PTPRZ1: variants seen among roughly 807,000 people sequenced by gnomAD.
PTPRZ1 encodes the protein receptor-type tyrosine-protein phosphatase zeta.
Under a neutral mutation model 214.1 loss-of-function variants are expected in PTPRZ1, and 82 were observed. The ratio of observed to expected loss-of-function variants is 0.38; its 90% CI spans 0.32 to 0.46. PTPRZ1 has a LOEUF of 0.46. Ranked by LOEUF, PTPRZ1 falls within the 20% of genes least tolerant of loss-of-function variation. PTPRZ1 has a pLI of 1.00. For synonymous variants in PTPRZ1, 945 were observed against 987.9 expected (o/e 0.96, Z 0.81); for missense variants, 2,603 against 2,748.7 (o/e 0.95, Z 1.19).
At chr7:122,035,116 C>G (rs1799497151) in intron 17 of PTPRZ1, among the ~76,000 whole-genome samples, 2 of 152,016 alleles carry the variant, frequency 1.3e-5, no homozygotes, top group Admixed American at 1.3e-4. Context: ...CTACTTATAC[C>G]CTTTCTATAT....
intron 21 of PTPRZ1, among the ~76,000 whole-genome samples, 169 bp downstream of exon 21, chr7:122,041,148 A>G (rs1219465917): frequency 6.6e-6 from 1 of 152,140 alleles, no homozygotes; most frequent in Non-Finnish European, 1.5e-5. Flanking sequence ...AACATGCCAG[A>G]CTCAGAATTG....
chr7:121,933,629 C>G (rs1795991113), intron 2 of PTPRZ1, among the ~76,000 whole-genome samples: 1 of 152,040 alleles, frequency 6.6e-6, no homozygotes, highest in South Asian at 2.1e-4. Context: ...AATATCCTGT[C>G]TAAATAGTCT....
At chr7:121,880,318 A>G (rs1794201123) in intron 1 of PTPRZ1, among the ~76,000 whole-genome samples, 2 of 152,194 alleles carry the variant, frequency 1.3e-5, no homozygotes, top group Non-Finnish European at 2.9e-5. Context: ...GTACTTGGGT[A>G]CTTGGAAATA....
At chr7:122,054,892 T>G in intron 26 of PTPRZ1, 49 bp from the exon 27 acceptor site, 1 of 1,497,994 alleles carries the variant, frequency 6.7e-7, no homozygotes, top group Non-Finnish European at 8.9e-7. Flanking sequence ...TCTGACTTAT[T>G]GGTCATTTTA....
intron 14 of PTPRZ1, among the ~76,000 whole-genome samples, chr7:122,029,013 G>A (rs1799290384): frequency 6.6e-6 from 1 of 151,356 alleles, no homozygotes; most frequent in Non-Finnish European, 1.5e-5. Flanking sequence ...AGTCAATGCA[G>A]AAAATGTGGA....
chr7:121,979,953 G>A (rs530348686), intron 6 of PTPRZ1, among the ~76,000 whole-genome samples: 17 of 152,102 alleles, frequency 1.1e-4, no homozygotes, highest in African/African-American at 4.1e-4. Context: ...ATCCGTAAGA[G>A]AGACCAGGTG....
In PTPRZ1 at chr7:122,060,365, G is replaced by A. The variant is rs1040193243; in HGVS notation, c.6807+477G>A. 1.3e-4 allele frequency among the ~76,000 whole-genome samples: 20 copies of A among 152,262 alleles called. 1 individual carries two copies. Among genetic ancestry groups the A allele is most frequent in the Admixed American group, 7.2e-4 (11 of 15,308 alleles). On this transcript the variant is annotated intron_variant, in intron 29 of 29. Transcript: ENST00000393386. ...ACTCCTTTCTGGAGATGCACAGTTCGCGAAAGCATTTAATTATGCACTGCG... is the reference window on the plus strand; with the variant it reads ...ACTCCTTTCTGGAGATGCACAGTTCACGAAAGCATTTAATTATGCACTGCG...
intron 1 of PTPRZ1, among the ~76,000 whole-genome samples, chr7:121,893,030 C>A (rs1334721441): frequency 6.6e-6 from 1 of 151,768 alleles, no homozygotes; most frequent in Non-Finnish European, 1.5e-5. Context: ...AACTTCTTTC[C>A]TGGCATTTTT....
At position 122,036,434 on chromosome 7, in the gene PTPRZ1, G is replaced by A. The variant is rs1407305981; in HGVS notation, c.5285-166G>A. 3.3e-5 allele frequency among the ~76,000 whole-genome samples: 5 copies of A among 152,008 alleles called. No individual in the cohort carries two copies. The East Asian group carries it at 9.6e-4, about 29-fold the overall frequency. ...GAGGGTGGAGATTCTTTTTATATTTGTCTTTGTTTTCTTTGCTGTCTCTGT... is the reference window on the plus strand; with the variant it reads ...GAGGGTGGAGATTCTTTTTATATTTATCTTTGTTTTCTTTGCTGTCTCTGT... On this transcript the variant is annotated intron_variant, in intron 17 of 29. Coordinates refer to ENST00000393386, the MANE Select transcript of PTPRZ1 (RefSeq NM_002851.3).
At chr7:121,907,720 A>T (rs1795158187) in intron 1 of PTPRZ1, among the ~76,000 whole-genome samples, 1 of 151,810 alleles carries the variant, frequency 6.6e-6, no homozygotes, top group Non-Finnish European at 1.5e-5. Context: ...TTTTATATCT[A>T]CATTAGCTTT....
chr7:122,026,381 A>G (rs1248850175), intron 13 of PTPRZ1, among the ~76,000 whole-genome samples: 1 of 152,224 alleles, frequency 6.6e-6, no homozygotes, highest in East Asian at 1.9e-4. Flanking sequence ...TGGAGAAATC[A>G]AAGGGATTTT....
chr7:122,028,837 C>T (rs1047434927), intron 14 of PTPRZ1, among the ~76,000 whole-genome samples, 194 bp downstream of exon 14: 6 of 151,970 alleles, frequency 3.9e-5, no homozygotes, highest in Admixed American at 6.6e-5. Flanking sequence ...TAATTTTAAA[C>T]GTTCTTAATC....
rs1214636500 is a variant in PTPRZ1 at position 121,873,297 on chromosome 7, CTCTCTG to C, written c.-185_-180del. Reference sequence around the variant, plus strand: ...CCTCTCTCGCTGTCTCTGACTGTCTCTCTCTGTCTCTGTCTCTGTCTCTCTCTCTCT... The same window carrying C: ...CCTCTCTCGCTGTCTCTGACTGTCTCTCTCTGTCTCTGTCTCTCTCTCTCT... On this transcript the variant is annotated 5_prime_UTR_variant, in exon 1 of 30. Coordinates refer to ENST00000393386, the MANE Select transcript of PTPRZ1 (RefSeq NM_002851.3). 58 of 536,670 alleles carry C rather than the reference CTCTCTG, an allele frequency of 1.1e-4. No homozygotes were observed. Among genetic ancestry groups the C allele is most frequent in the East Asian group, 1.8e-4 (6 of 33,352 alleles). 33.2% of individuals were successfully genotyped at this position (536,670 alleles called of 1,614,324 possible). A position where few individuals can be genotyped will look rare whatever the true frequency, so the allele number is the denominator to read the frequency against.
At chr7:122,036,309 T>C (rs1147493) in intron 17 of PTPRZ1, among the ~76,000 whole-genome samples, 97,212 of 152,060 alleles carry the variant, frequency 0.64, 32,919 homozygotes, top group African/African-American at 0.88. Context: ...TATCTCAAAC[T>C]AAAACAATTT....
chr7:121,954,977 A>G (rs545238677), intron 2 of PTPRZ1, among the ~76,000 whole-genome samples: 3 of 152,218 alleles, frequency 2.0e-5, no homozygotes, highest in Non-Finnish European at 4.4e-5. Context: ...GGAGGAACCG[A>G]TGACTCAAAT....
Position 122,011,702 on chromosome 7 carries a change from G to T in PTPRZ1, c.2656G>T (p.Ala886Ser), listed in dbSNP as rs1798670273. 3.7e-6 allele frequency: 6 copies of T among 1,613,996 alleles called. No individual in the cohort carries two copies. The change falls in exon 12 of 30, where the codon GCT becomes TCT. Residue 886 changes from alanine (A) to serine (S), a missense_variant. Ala to Ser is a moderately conservative substitution (Grantham distance 99). Coordinates refer to ENST00000393386, the MANE Select transcript of PTPRZ1 (RefSeq NM_002851.3). ...YSDVLSTTHA[A>S]SETLEFGSES... The stretch of plus-strand genomic sequence containing the variant: ...TGATGTGCTGTCCACTACTCATGCT[G>T]CTTCAGAGACGCTGGAATTTGGTAG...
chr7:121,954,469 A>G (rs2116466734), intron 2 of PTPRZ1, among the ~76,000 whole-genome samples: 1 of 152,176 alleles, frequency 6.6e-6, no homozygotes, highest in East Asian at 1.9e-4. Flanking sequence ...TCAGTTGGAT[A>G]CCTGTTTATT....
At chr7:121,876,576 TCA>T (rs1440527221) in intron 1 of PTPRZ1, among the ~76,000 whole-genome samples, 1 of 152,194 alleles carries the variant, frequency 6.6e-6, no homozygotes, top group Non-Finnish European at 1.5e-5. Flanking sequence ...GTTGTGACTC[TCA>T]GTTTGATCTA....
chr7:121,986,691 A>G (rs1797771555), intron 8 of PTPRZ1, among the ~76,000 whole-genome samples: 1 of 152,200 alleles, frequency 6.6e-6, no homozygotes, highest in Non-Finnish European at 1.5e-5. Context: ...TAATTTATTT[A>G]TCACCTATTT....
Sources: allele counts gnomAD v4.1 joint callset (sites outside exome capture counted in the v4.1 genomes callset), GRCh38; gene constraint gnomAD v4.1.1; transcripts MANE v1.5; gene names NCBI Gene and HGNC (gene_info 2026-07-23, HGNC 2026-07-21).